CEP63: variants seen among roughly 807,000 people sequenced by gnomAD.
CEP63 encodes centrosomal protein 63, also known as centrosomal protein of 63 kDa.
In CEP63, 84 loss-of-function variants were observed where a neutral mutation model predicts 89.1. That is an observed-to-expected ratio of 0.94 (90% CI 0.79 to 1.13). The LOEUF (loss-of-function observed/expected upper bound fraction) is 1.13. Among genes scored for constraint, CEP63 ranks in the 50% most tolerant of loss-of-function variants. The pLI is 0.00. For synonymous variants in CEP63, 267 were observed against 272.5 expected (o/e 0.98, Z 0.20); for missense variants, 838 against 813.3 (o/e 1.03, Z -0.37).
chr3:134,489,582 A>T (rs558450813), intron 1 of CEP63, among the ~76,000 whole-genome samples: 1 of 152,292 alleles, frequency 6.6e-6, no homozygotes, highest in African/African-American at 2.4e-5. Flanking sequence ...GTGGGGTTAT[A>T]TTGCCTGTAT....
chr3:134,720,486 T>G, the CEP63 span, among the ~76,000 whole-genome samples: 2,496 of 152,238 alleles, frequency 0.016, 66 homozygotes, highest in African/African-American at 0.057. Flanking sequence ...ATTTATCTGT[T>G]TTTTCCTTTG....
intron 5 of CEP63, 133 bp from the exon 6 acceptor site, chr3:134,537,022 T>C: frequency 4.2e-6 from 3 of 716,326 alleles, no homozygotes; most frequent in Admixed American, 3.9e-5. Context: ...GAGTGAGTAA[T>C]GGGGCTCCCG....
rs151190724 is a variant in CEP63 at position 134,497,479 on chromosome 3, C to T, written c.44+2115C>T. On this transcript the variant is annotated intron_variant, in intron 2 of 14. Coordinates refer to ENST00000675561, the MANE Select transcript of CEP63 (RefSeq NM_001353108.3). The stretch of plus-strand genomic sequence containing the variant: ...CTCAAACTCCTGGGTTCAAGTGATC[C>T]GCCTGCTTCAGTGTCCCAAGTATCT... Among the ~76,000 whole-genome samples the T allele has an allele frequency of 1.7e-3, 263 of 152,206 alleles. 1 individual carries two copies. The highest frequency in any genetic ancestry group is 4.1e-3 in the African/African-American group (170 of 41,522).
intron 3 of CEP63, among the ~76,000 whole-genome samples, chr3:134,522,765 A>C (rs991880199): frequency 6.6e-6 from 1 of 152,106 alleles, no homozygotes; most frequent in Non-Finnish European, 1.5e-5. Flanking sequence ...TTATGGCTGC[A>C]TAGTATTCCA....
chr3:134,724,626 G>GT, the CEP63 span, among the ~76,000 whole-genome samples: 1 of 152,198 alleles, frequency 6.6e-6, no homozygotes, highest in Non-Finnish European at 1.5e-5. Flanking sequence ...ATATAAAATC[G>GT]TAAGTGATAG....
At chr3:134,603,866 T>C in the CEP63 span, 239 of 1,613,910 alleles carry the variant, frequency 1.5e-4, 1 homozygote, top group Non-Finnish European at 1.8e-4. Context: ...TCAGGGAACA[T>C]GGGCCAGTTC....
At chr3:134,680,491 A>G in the CEP63 span, among the ~76,000 whole-genome samples, 1 of 151,938 alleles carries the variant, frequency 6.6e-6, no homozygotes, top group Non-Finnish European at 1.5e-5. Flanking sequence ...TGGGCCCATC[A>G]CTCCCCGAGG....
intron 11 of CEP63, among the ~76,000 whole-genome samples, chr3:134,551,485 G>C (rs1954809102): frequency 6.6e-6 from 1 of 152,096 alleles, no homozygotes; most frequent in Non-Finnish European, 1.5e-5. Context: ...CACAAAAGCT[G>C]AGGGGAATGA....
chr3:134,542,188 C>G (rs964074105), intron 6 of CEP63, among the ~76,000 whole-genome samples: 15 of 152,090 alleles, frequency 9.9e-5, no homozygotes, highest in Admixed American at 9.2e-4. Context: ...GTAAAATATT[C>G]TTCAAGTTAA....
At chr3:134,709,567 G>A in the CEP63 span, among the ~76,000 whole-genome samples, 3 of 152,116 alleles carry the variant, frequency 2.0e-5, no homozygotes. Flanking sequence ...TTCCCACACT[G>A]GACTTGCCCT....
At chr3:134,667,657 C>A in the CEP63 span, among the ~76,000 whole-genome samples, 1 of 152,224 alleles carries the variant, frequency 6.6e-6, no homozygotes, top group Non-Finnish European at 1.5e-5. Context: ...TCAGCTGTGG[C>A]CGCTCCCACA....
chr3:134,704,109 C>T, the CEP63 span, among the ~76,000 whole-genome samples: 2 of 152,210 alleles, frequency 1.3e-5, no homozygotes, highest in African/African-American at 2.4e-5. Flanking sequence ...GCATATTCTC[C>T]CAGGCCAGGA....
chr3:134,758,980 G>A, the CEP63 span, among the ~76,000 whole-genome samples: 1 of 152,144 alleles, frequency 6.6e-6, no homozygotes, highest in Non-Finnish European at 1.5e-5. Flanking sequence ...CCTTATAAAA[G>A]GGAGGCAGGA....
chr3:134,604,534 A>G, the CEP63 span: 1 of 1,410,874 alleles, frequency 7.1e-7, no homozygotes, highest in Non-Finnish European at 9.7e-7. Flanking sequence ...TGTGCTGGTA[A>G]ATGTTTAACA....
In CEP63 at chr3:134,513,373, C is replaced by T. The variant is rs183197292; in HGVS notation, c.222+6087C>T. 1.2e-3 allele frequency among the ~76,000 whole-genome samples: 187 copies of T among 152,162 alleles called. 1 individual carries two copies. Among genetic ancestry groups the T allele is most frequent in the Middle Eastern group, 3.4e-3 (1 of 294 alleles). ...CTTTAGAAGTAAATTTCCCTCAGGA[C>T]GTTTACAGTTAAATATGAATTATTT... On this transcript the variant is annotated intron_variant, in intron 3 of 14. Coordinates refer to ENST00000675561, the MANE Select transcript of CEP63 (RefSeq NM_001353108.3).
At chr3:134,760,297 G>T in the CEP63 span, among the ~76,000 whole-genome samples, 1 of 151,946 alleles carries the variant, frequency 6.6e-6, no homozygotes, top group Admixed American at 6.5e-5. Context: ...CTGACCTCGT[G>T]ATCCGCCCGC....
chr3:134,735,504 TG>T, the CEP63 span, among the ~76,000 whole-genome samples: 2 of 152,072 alleles, frequency 1.3e-5, no homozygotes, highest in Non-Finnish European at 2.9e-5. Flanking sequence ...ATGTGAAAAA[TG>T]TGGTACTAAA....
At chr3:134,656,324 G>A in the CEP63 span, among the ~76,000 whole-genome samples, 7 of 152,296 alleles carry the variant, frequency 4.6e-5, no homozygotes, top group Middle Eastern at 0.014. Context: ...AGAGAAAAAC[G>A]CGTGTCTCAG....
the CEP63 span, among the ~76,000 whole-genome samples, chr3:134,640,900 C>A: frequency 6.6e-6 from 1 of 152,176 alleles, no homozygotes; most frequent in Non-Finnish European, 1.5e-5. Flanking sequence ...TTATTCTCTA[C>A]GCATTGGATG....
Sources: gnomAD v4.1 joint callset for allele counts (sites outside exome capture counted in the v4.1 genomes callset) on GRCh38, gnomAD v4.1.1 for gene constraint, MANE v1.5 for transcripts, NCBI Gene and HGNC (gene_info 2026-07-23, HGNC 2026-07-21) for gene names.